Variants in MYH9 observed in about 807,000 individuals in gnomAD.
MYH9 encodes the protein myosin-9.
A neutral mutation model predicts 241.9 loss-of-function variants in MYH9; 29 were observed. The observed-to-expected ratio is 0.12, with a 90% CI of 0.09 to 0.16. The LOEUF is 0.16. Among genes scored for constraint, MYH9 ranks in the 10% least tolerant of loss-of-function variants. MYH9 has a pLI of 1.00. For synonymous variants in MYH9, 1,047 were observed against 1,062.6 expected (o/e 0.99, Z 0.29); for missense variants, 1,803 against 2,595.5 (o/e 0.69, Z 6.63).
chr22:36,344,459 AGGCAGCACCTCCCCAT>A (rs2017643056), intron 2 of MYH9, among the ~76,000 whole-genome samples: 1 of 23,172 alleles, frequency 4.3e-5, no homozygotes, highest in Non-Finnish European at 1.2e-4. Flanking sequence ...CTCCCCATCC[AGGCAGCACCTCCCCAT>A]CCAGGCGGCC....
In MYH9 at chr22:36,295,152, A is replaced by T; in HGVS notation, c.3486-76T>A. 9 of 1,604,452 alleles carry T rather than the reference A, an allele frequency of 5.6e-6. No individual in the cohort carries two copies. The highest frequency in any genetic ancestry group is 7.7e-6 in the Non-Finnish European group (9 of 1,173,470). Reference sequence around the variant, plus strand: ...CTGTCCCTGGGGCTCTTCCCTGACCAAAGAGAGGCCTGGCCAGGGCACAGG... The same window carrying T: ...CTGTCCCTGGGGCTCTTCCCTGACCTAAGAGAGGCCTGGCCAGGGCACAGG... On this transcript the variant is annotated intron_variant, in intron 26 of 40. Coordinates refer to ENST00000216181, the MANE Select transcript of MYH9 (RefSeq NM_002473.6). This position sits in a 1 kb window ranked among gnomAD's most constrained non-coding sequence, Gnocchi z 4.1.
chr22:36,339,719 A>C (rs2017553799), intron 3 of MYH9, among the ~76,000 whole-genome samples: 2 of 152,344 alleles, frequency 1.3e-5, no homozygotes, highest in Admixed American at 1.3e-4. Flanking sequence ...TTAAAGAAAA[A>C]AGGATCCATA....
rs771461880 is a variant in MYH9 at position 36,294,956 on chromosome 22, C to T, written c.3606G>A (p.Ala1202=). 43 of 1,613,860 alleles carry T rather than the reference C, an allele frequency of 2.7e-5. No individual in the cohort carries two copies. The Admixed American group carries it at 4.2e-4, about 16-fold the overall frequency. Residue 1202 remains alanine, a synonymous_variant, in exon 27 of 41, where the codon GCG becomes GCA. Coordinates refer to ENST00000216181, the MANE Select transcript of MYH9 (RefSeq NM_002473.6). The part of the protein sequence containing the change: ...QKHSQAVEEL[A]EQLEQTKRVK... ...CCCGCTTCGTCTGCTCCAGCTGCTC[C>T]GCCAGCTCCTCCACGGCCTGTGAGT...
At chr22:36,308,207 C>T (rs2017002615) in intron 15 of MYH9, among the ~76,000 whole-genome samples, 1 of 152,068 alleles carries the variant, frequency 6.6e-6, no homozygotes, top group African/African-American at 2.4e-5. Context: ...GTTTAAGACG[C>T]TGTCTTTAGG....
Position 36,295,701 on chromosome 22 carries a change from C to A in MYH9, c.3289G>T (p.Ala1097Ser), listed in dbSNP as rs1569535033. The change falls in exon 26 of 41, where the codon GCC becomes TCC. Residue 1097 changes from alanine (A) to serine (S), a missense_variant. Ala to Ser is a moderately conservative substitution (Grantham distance 99). Coordinates refer to ENST00000216181, the MANE Select transcript of MYH9 (RefSeq NM_002473.6). The surrounding 1 kb of genome is among the most constrained non-coding windows in gnomAD (Gnocchi z 4.1). Reference protein sequence around the residue: ...AALARVEEEAAQKNMALKKIR... With the variant: ...AALARVEEEASQKNMALKKIR... ...TTCTTGAGGGCCATGTTCTTCTGGG[C>A]AGCTTCCTCTTCCACTCTGCCAAAG... 2.5e-6 allele frequency: 4 copies of A among 1,613,256 alleles called. No homozygotes were observed. The highest frequency in any genetic ancestry group is 2.2e-5 in the East Asian group (1 of 44,872).
At chr22:36,354,788 C>A (rs189010866) in intron 1 of MYH9, among the ~76,000 whole-genome samples, 180 of 152,000 alleles carry the variant, frequency 1.2e-3, no homozygotes, top group African/African-American at 4.2e-3. Context: ...AGTGGAGTTA[C>A]GGGAGAAAAG....
In MYH9 at chr22:36,312,162, C is replaced by T. The variant is rs888907032; in HGVS notation, c.1615G>A (p.Asp539Asn). The T allele has an allele frequency of 6.2e-6, 10 of 1,614,156 alleles. No individual in the cohort carries two copies. Among genetic ancestry groups the T allele is most frequent in the Non-Finnish European group, 8.5e-6 (10 of 1,180,016 alleles). Residue 539 changes from aspartate (D) to asparagine (N), a missense_variant, in exon 14 of 41, where the codon GAC becomes AAC. This residue lies in a region of MYH9 where 163 missense variants were observed against 349.7 expected (regional missense o/e 0.47). Transcript: ENST00000216181. ...DEECWFPKAT[D>N]KSFVEKVMQE... ...ATCACCTTCTCCACGAAGCTCTTGT[C>T]GGTGGCTTTGGGGAACCAGCACTCC...
chr22:36,310,822 G>A (rs529118120), intron 14 of MYH9, among the ~76,000 whole-genome samples: 3 of 151,942 alleles, frequency 2.0e-5, no homozygotes, highest in South Asian at 4.1e-4. Context: ...AGCCTTCCTG[G>A]AAGCTTCTGC....
At chr22:36,284,637 T>A in intron 38 of MYH9, 126 bp from the exon 39 acceptor site, 1 of 863,368 alleles carries the variant, frequency 1.2e-6, no homozygotes, top group Non-Finnish European at 1.9e-6. Flanking sequence ...GGGAGGCCTT[T>A]GCTAGACACC....
intron 1 of MYH9, among the ~76,000 whole-genome samples, chr22:36,354,212 T>C (rs989528607): frequency 1.3e-5 from 2 of 151,724 alleles, no homozygotes; most frequent in African/African-American, 4.8e-5. Context: ...TCAGATTTGC[T>C]TGTTAATCAA....
chr22:36,294,272 C>T lies in MYH9; in HGVS notation c.3657G>A (p.Lys1219=), dbSNP rs777089415. 2 of 1,614,052 alleles carry T rather than the reference C, an allele frequency of 1.2e-6. No individual in the cohort carries two copies. The highest frequency in any genetic ancestry group is 1.7e-6 in the Non-Finnish European group (2 of 1,180,044). ...CCCCCCGCTCGTTCTCCAGAGTCTG[C>T]TTTGCCTTCTCGAGGTTTGCTTTCA... ...KRVKANLEKA[K]QTLENERGEL... Residue 1219 remains lysine (K), a synonymous_variant, in exon 28 of 41, where the codon AAG becomes AAA. Transcript: ENST00000216181.
At position 36,293,011 on chromosome 22, in the gene MYH9, G is replaced by C. The variant is rs1392177003; in HGVS notation, c.4095+318C>G. ...GACAGGGTAACTGGCCATTTCTACA[G>C]ATGATGACGGCACAGGGACTGCCAC... On this transcript the variant is annotated intron_variant, in intron 30 of 40. Transcript: ENST00000216181. This position sits in a 1 kb window ranked among gnomAD's most constrained non-coding sequence, Gnocchi z 5.1. 6.6e-6 allele frequency among the ~76,000 whole-genome samples: 1 copy of C among 152,234 alleles called. No homozygotes were observed. The highest frequency in any genetic ancestry group is 1.5e-5 in the Non-Finnish European group (1 of 68,046).
In MYH9 at chr22:36,288,215, T is replaced by C. The variant is rs748984532; in HGVS notation, c.4932+37A>G. 7 of 1,611,378 alleles carry C rather than the reference T, an allele frequency of 4.3e-6. No homozygotes were observed. The Admixed American group carries it at 6.7e-5, about 15-fold the overall frequency. On this transcript the variant is annotated intron_variant, in intron 34 of 40. Transcript: ENST00000216181. This position sits in a 1 kb window ranked among gnomAD's most constrained non-coding sequence, Gnocchi z 4.8. ...TTCATATGTAGTTGGCTCAGTCGGG[T>C]GCCGCCCACCCTCACCTGGGCCCCG...
Position 36,288,392 on chromosome 22 carries a change from G to A in MYH9, c.4792C>T (p.Leu1598=). 4 of 1,612,256 alleles carry A rather than the reference G, an allele frequency of 2.5e-6. No homozygotes were observed. The highest frequency in any genetic ancestry group is 3.4e-6 in the Non-Finnish European group (4 of 1,180,036). ...VRQVREMEAE[L]EDERKQRSMA... is the part of the protein sequence containing the mutation. The stretch of plus-strand genomic sequence containing the variant: ...GAGCGCTGCTTCCTCTCGTCCTCCA[G>A]CTCTGCCTCCATCTCCCGCACCTGG... The change falls in exon 34 of 41, where the codon CTG becomes TTG. Residue 1598 remains leucine, a synonymous_variant. Coordinates refer to ENST00000216181, the MANE Select transcript of MYH9 (RefSeq NM_002473.6). The surrounding 1 kb of genome is among the most constrained non-coding windows in gnomAD (Gnocchi z 4.8).
chr22:36,344,019 A>T (rs544326013), intron 2 of MYH9, among the ~76,000 whole-genome samples: 1 of 152,364 alleles, frequency 6.6e-6, no homozygotes, highest in South Asian at 2.1e-4. Flanking sequence ...ACCACGGGTC[A>T]TTAGGACAAG....
At position 36,383,104 on chromosome 22, in the gene MYH9, C is replaced by G. The variant is rs2018285095; in HGVS notation, c.-20+4703G>C. ...GGTGTAGCAGTGTGCACTTGTAATC[C>G]TGGCTACTCAGGAGGCTGAGGCAGA... On this transcript the variant is annotated intron_variant, in intron 1 of 40. Coordinates refer to ENST00000216181, the MANE Select transcript of MYH9 (RefSeq NM_002473.6). Among the ~76,000 whole-genome samples, 2 of 151,946 alleles carry G rather than the reference C, an allele frequency of 1.3e-5. 1 individual carries two copies. The highest frequency in any genetic ancestry group is 2.9e-5 in the Non-Finnish European group (2 of 67,988).
intron 5 of MYH9, 121 bp from the exon 6 acceptor site, chr22:36,322,642 G>A: frequency 5.2e-6 from 5 of 956,514 alleles, no homozygotes; most frequent in Non-Finnish European, 8.2e-6. Context: ...CAGGAACAGA[G>A]GTTTCCGGGT....
chr22:36,299,925 G>A (rs2016847834), intron 23 of MYH9, among the ~76,000 whole-genome samples: 1 of 152,166 alleles, frequency 6.6e-6, no homozygotes, highest in Non-Finnish European at 1.5e-5. Context: ...CCTTCCCCAG[G>A]GCCCCTTTGC....
chr22:36,335,910 T>C (rs1435546088), intron 3 of MYH9, among the ~76,000 whole-genome samples: 2 of 152,172 alleles, frequency 1.3e-5, no homozygotes, highest in African/African-American at 2.4e-5. Flanking sequence ...GACGTGAAGA[T>C]ACACAAAAAT....
Sources: gnomAD v4.1 joint callset for allele counts (sites outside exome capture counted in the v4.1 genomes callset) on GRCh38, gnomAD v4.1.1 for gene constraint, gnomAD v4.1.1 regional missense constraint, Gnocchi (gnomAD v3.1) non-coding constraint, MANE v1.5 for transcripts, NCBI Gene and HGNC (gene_info 2026-07-23, HGNC 2026-07-21) for gene names.